Variants in ARMC2 observed in about 807,000 individuals in gnomAD.
ARMC2 encodes armadillo repeat containing 2.
Under a neutral mutation model 90.3 loss-of-function variants are expected in ARMC2, and 67 were observed. That is an observed-to-expected ratio of 0.74 (90% CI 0.61 to 0.91). The LOEUF (loss-of-function observed/expected upper bound fraction) is 0.91. Ranked by LOEUF, ARMC2 falls within the 40% of genes least tolerant of loss-of-function variation. The pLI is 0.00. For synonymous variants in ARMC2, 393 were observed against 393.0 expected, an observed-to-expected ratio of 1.00 and a Z score of 0.00; for missense variants, 920 against 1,030.9, an observed-to-expected ratio of 0.89 and a Z score of 1.47.
At chr6:109,039,162 G>A in the ARMC2 span, among the ~76,000 whole-genome samples, 1 of 151,522 alleles carries the variant, frequency 6.6e-6, no homozygotes, top group African/African-American at 2.4e-5. Context: ...AGGAGGAGGA[G>A]GAGAAGAAAG....
At position 108,910,912 on chromosome 6, in the gene ARMC2, G is replaced by T; in HGVS notation, c.1037G>T (p.Arg346Ile). 1 of 1,546,908 alleles carries T rather than the reference G, an allele frequency of 6.5e-7. No individual in the cohort carries two copies. Among genetic ancestry groups the T allele is most frequent in the South Asian group, 1.2e-5 (1 of 80,636 alleles). Reference protein sequence around the residue: ...AKIILALKVSRKNLLNVCKLI... With the variant: ...AKIILALKVSIKNLLNVCKLI... ...CTTTCTCTGCAGCTTAAAGTGAGTA[G>T]AAAGAATCTTCTTAATGTCTGCAAA... is the stretch of plus-strand genomic sequence containing the variant. The change falls in exon 9 of 18, where the codon AGA (arginine) becomes ATA (isoleucine). Residue 346 changes from arginine (R) to isoleucine (I), a missense_variant. Transcript: ENST00000392644.
intron 6 of ARMC2, among the ~76,000 whole-genome samples, chr6:108,898,935 G>T (rs1371349098): frequency 6.6e-6 from 1 of 152,190 alleles, no homozygotes; most frequent in African/African-American, 2.4e-5. Flanking sequence ...TACTGCAGGG[G>T]TGATAACATG....
chr6:108,852,793 A>G (rs966034222), intron 1 of ARMC2, among the ~76,000 whole-genome samples: 6 of 152,176 alleles, frequency 3.9e-5, no homozygotes, highest in African/African-American at 1.4e-4. Flanking sequence ...ACCTCTTCTC[A>G]CTTAGTGGCA....
intron 10 of ARMC2, 110 bp downstream of exon 10, chr6:108,912,668 C>T: frequency 2.0e-6 from 2 of 1,009,132 alleles, no homozygotes; most frequent in Non-Finnish European, 2.9e-6. Flanking sequence ...GGTGTGGGTG[C>T]CTGGCCTCCA....
At chr6:109,000,384 G>C in the ARMC2 span, 1 of 781,996 alleles carries the variant, frequency 1.3e-6, no homozygotes, top group Non-Finnish European at 1.9e-6. Flanking sequence ...GATTCAGGGG[G>C]TAGAAAATAG....
the ARMC2 span, among the ~76,000 whole-genome samples, chr6:109,005,668 A>G: frequency 6.6e-6 from 1 of 152,144 alleles, no homozygotes; most frequent in Non-Finnish European, 1.5e-5. Context: ...GTCCATCCCT[A>G]TTGCCAAATT....
chr6:108,978,378 G>A (rs1779025686), downstream of ARMC2, among the ~76,000 whole-genome samples: 3 of 152,198 alleles, frequency 2.0e-5, no homozygotes, highest in South Asian at 6.2e-4. Context: ...TATGATTTCT[G>A]TTCTTTTCCA....
intron 13 of ARMC2, among the ~76,000 whole-genome samples, chr6:108,954,448 C>T (rs1455325044): frequency 6.6e-6 from 1 of 152,130 alleles, no homozygotes; most frequent in East Asian, 1.9e-4. Flanking sequence ...CATGGTGAAA[C>T]CCCTTTCTCT....
the ARMC2 span, among the ~76,000 whole-genome samples, chr6:109,027,301 C>T: frequency 3.3e-5 from 5 of 151,340 alleles, no homozygotes; most frequent in South Asian, 2.1e-4. Flanking sequence ...GGTGAAACCC[C>T]GTCTCTACTA....
intron 5 of ARMC2, among the ~76,000 whole-genome samples, chr6:108,882,422 G>A (rs1364890719): frequency 6.9e-6 from 1 of 144,734 alleles, no homozygotes; most frequent in African/African-American, 2.6e-5. Flanking sequence ...CTAGGCGATG[G>A]AGTGAGACTC....
intron 10 of ARMC2, among the ~76,000 whole-genome samples, chr6:108,923,769 G>C (rs1774839725): frequency 6.6e-6 from 1 of 151,980 alleles, no homozygotes; most frequent in South Asian, 2.1e-4. Flanking sequence ...GCATCTGCGT[G>C]GTGGCCTTTT....
the ARMC2 span, chr6:109,000,229 A>G: frequency 7.3e-4 from 204 of 280,890 alleles, 1 homozygote; most frequent in African/African-American, 4.0e-3. Context: ...GATGCGTGAC[A>G]TTAGGCATTT....
rs1376856015 is a variant in ARMC2 at position 108,854,391 on chromosome 6, A to C, written c.124A>C (p.Thr42Pro). The change falls in exon 2 of 18, where the codon ACC becomes CCC. Residue 42 changes from threonine to proline, a missense_variant. Thr to Pro is a conservative substitution (Grantham distance 38). Transcript: ENST00000392644. Reference protein sequence around the residue: ...EARNALRTVRTQRPFTPQEAQ... With the variant: ...EARNALRTVRPQRPFTPQEAQ... ...AAGAAATGCATTAAGAACAGTTAGA[A>C]CCCAAAGACCATTTACACCACAGGA... is the stretch of plus-strand genomic sequence containing the variant. The C allele has an allele frequency of 6.2e-7, 1 of 1,613,290 alleles. No homozygotes were observed. The highest frequency in any genetic ancestry group is 1.3e-5 in the African/African-American group (1 of 74,812).
At chr6:108,903,873 A>C (rs1772403473) in intron 7 of ARMC2, among the ~76,000 whole-genome samples, 1 of 152,220 alleles carries the variant, frequency 6.6e-6, no homozygotes, top group Non-Finnish European at 1.5e-5. Flanking sequence ...GTCAAGATGC[A>C]AGTGGCATGC....
At chr6:109,035,580 T>C in the ARMC2 span, among the ~76,000 whole-genome samples, 2 of 151,768 alleles carry the variant, frequency 1.3e-5, no homozygotes, top group South Asian at 4.2e-4. Flanking sequence ...AAGAACACAG[T>C]CACTGACTCT....
At chr6:108,965,184 G>A (rs1338428351) in intron 17 of ARMC2, 44 bp downstream of exon 17, 13 of 1,534,482 alleles carry the variant, frequency 8.5e-6, no homozygotes, top group Non-Finnish European at 1.2e-5. Flanking sequence ...TTATCAGAGT[G>A]TGAGATAGTT....
At chr6:109,009,240 G>A in the ARMC2 span, 1 of 995,270 alleles carries the variant, frequency 1.0e-6, no homozygotes, top group Non-Finnish European at 1.3e-6. Context: ...AGCGTTTTCG[G>A]ATGCTGACCG....
chr6:108,949,715 T>C (rs1452256474), intron 12 of ARMC2, among the ~76,000 whole-genome samples: 2 of 152,256 alleles, frequency 1.3e-5, no homozygotes, highest in Admixed American at 1.3e-4. Context: ...CACCAGGCAT[T>C]ACTTGAAGTA....
At chr6:108,947,663 T>C (rs1002587139) in intron 12 of ARMC2, among the ~76,000 whole-genome samples, 4 of 152,176 alleles carry the variant, frequency 2.6e-5, no homozygotes, top group Non-Finnish European at 5.9e-5. Flanking sequence ...CTAATGACAA[T>C]ATCCCTCAGG....
Sources: gnomAD v4.1 joint callset for allele counts (sites outside exome capture counted in the v4.1 genomes callset) on GRCh38, gnomAD v4.1.1 for gene constraint, MANE v1.5 for transcripts, NCBI Gene and HGNC (gene_info 2026-07-23, HGNC 2026-07-21) for gene names.